The following CSMD1 variants were observed in gnomAD, a reference collection of about 807,000 sequenced individuals.
The protein encoded by CSMD1 is CUB and Sushi multiple domains 1, also known as CUB and sushi domain-containing protein 1.
CSMD1 carries 213 observed loss-of-function variants against 417.5 expected under a neutral mutation model. The ratio of observed to expected loss-of-function variants is 0.51; its 90% CI spans 0.46 to 0.57. The LOEUF is 0.57. Among genes scored for constraint, CSMD1 ranks in the 20% least tolerant of loss-of-function variants. The pLI, the probability that CSMD1 is intolerant of heterozygous loss-of-function variation, is 0.00. For missense variants in CSMD1, 6,923 were observed against 4,529.7 expected, an observed-to-expected ratio of 1.53 and a Z score of -15.17; for synonymous variants, 2,862 against 1,736.8, an observed-to-expected ratio of 1.65 and a Z score of -16.11.
chr8:3,979,030 A>G (rs1332744563), intron 5 of CSMD1, among the ~76,000 whole-genome samples: 1 of 152,230 alleles, frequency 6.6e-6, no homozygotes, highest in Admixed American at 6.5e-5. Context: ...ATGCTGCACA[A>G]CACCTGGACC....
chr8:3,598,998 G>A (rs1049150136), intron 8 of CSMD1, among the ~76,000 whole-genome samples: 7 of 152,036 alleles, frequency 4.6e-5, no homozygotes, highest in Admixed American at 6.6e-5. Context: ...GGAGAATTCC[G>A]TGAATGTGGG....
intron 2 of CSMD1, among the ~76,000 whole-genome samples, chr8:4,459,098 G>C (rs1194668767): frequency 2.0e-5 from 3 of 152,144 alleles, no homozygotes; most frequent in Admixed American, 6.5e-5. Flanking sequence ...TCCAGCCAGG[G>C]TACGCTTCTA....
At chr8:4,962,304 G>A (rs774904663) in intron 1 of CSMD1, among the ~76,000 whole-genome samples, 31 of 151,820 alleles carry the variant, frequency 2.0e-4, no homozygotes, top group Non-Finnish European at 3.4e-4. Flanking sequence ...TGGAACTCCT[G>A]GTCTCAAAAG....
At chr8:3,223,681 T>C (rs555976280) in intron 28 of CSMD1, 48 bp downstream of exon 28, 2 of 1,591,214 alleles carry the variant, frequency 1.3e-6, no homozygotes, top group East Asian at 2.2e-5. Flanking sequence ...TTTTTAGGTA[T>C]GGAATTAAAA....
chr8:4,647,508 G>A (rs570644516), intron 1 of CSMD1, among the ~76,000 whole-genome samples: 7 of 150,706 alleles, frequency 4.6e-5, no homozygotes, highest in South Asian at 2.1e-4. Flanking sequence ...ACGTAGGTAC[G>A]CGTGTGCCAT....
intron 3 of CSMD1, among the ~76,000 whole-genome samples, chr8:4,398,644 CTTGG>C (rs1804434701): frequency 6.6e-6 from 1 of 152,118 alleles, no homozygotes; most frequent in African/African-American, 2.4e-5. Context: ...ATCTGCCCCT[CTTGG>C]CCTCCCAAAG....
At chr8:4,458,402 G>T (rs773824773) in intron 2 of CSMD1, among the ~76,000 whole-genome samples, 1 of 151,910 alleles carries the variant, frequency 6.6e-6, no homozygotes, top group African/African-American at 2.4e-5. Context: ...AAGTTTATGG[G>T]GATTATTGGC....
chr8:3,081,122 A>T (rs1308547513), intron 49 of CSMD1, among the ~76,000 whole-genome samples: 1 of 152,212 alleles, frequency 6.6e-6, no homozygotes, highest in African/African-American at 2.4e-5. Flanking sequence ...AGTGGCATCC[A>T]CATGGTTTAT....
At chr8:4,876,167 C>A (rs978328102) in intron 1 of CSMD1, among the ~76,000 whole-genome samples, 1 of 152,018 alleles carries the variant, frequency 6.6e-6, no homozygotes, top group East Asian at 1.9e-4. Context: ...GTCTATTTCC[C>A]TGCTGGGTAA....
intron 1 of CSMD1, among the ~76,000 whole-genome samples, chr8:4,730,195 G>C (rs1219561695): frequency 1.3e-5 from 2 of 152,076 alleles, no homozygotes; most frequent in Non-Finnish European, 2.9e-5. Flanking sequence ...GGATGGAAAA[G>C]AGGGAGACAG....
At chr8:3,216,474 T>A (rs939509134) in intron 29 of CSMD1, among the ~76,000 whole-genome samples, 1 of 152,200 alleles carries the variant, frequency 6.6e-6, no homozygotes, top group African/African-American at 2.4e-5. Context: ...TTTTTGATCA[T>A]TTTTTTGTTA....
rs926927470 is a variant in CSMD1, at chr8:4,197,191, C to G, written c.416-165092G>C. On this transcript the variant is annotated intron_variant, in intron 3 of 69. Coordinates refer to ENST00000635120, the MANE Select transcript of CSMD1 (RefSeq NM_033225.6). ...CGGTCAAAAAATGTGTATAAAAGTC[C>G]TAGCATTTTCCAGTAAGAGCATCAT... Among the ~76,000 whole-genome samples the G allele has an allele frequency of 3.9e-5, 6 of 152,262 alleles. No individual in the cohort carries two copies. The East Asian group carries it at 1.2e-3, about 29-fold the overall frequency.
At chr8:4,320,603 G>C (rs1392710610) in intron 3 of CSMD1, among the ~76,000 whole-genome samples, 1 of 151,970 alleles carries the variant, frequency 6.6e-6, no homozygotes. Context: ...GTGAGAACAT[G>C]CGGTGTTTGG....
At chr8:4,036,938 T>C (rs1299147905) in intron 3 of CSMD1, among the ~76,000 whole-genome samples, 1 of 149,744 alleles carries the variant, frequency 6.7e-6, no homozygotes, top group Non-Finnish European at 1.5e-5. Flanking sequence ...CCCTGGATCC[T>C]AGTATGGGTG....
At chr8:4,487,024 TC>T (rs1460918523) in intron 2 of CSMD1, among the ~76,000 whole-genome samples, 1 of 152,130 alleles carries the variant, frequency 6.6e-6, no homozygotes, top group Non-Finnish European at 1.5e-5. Context: ...TAAACAAAGT[TC>T]CACTGAAGAG....
At chr8:3,265,891 C>T (rs1277740911) in intron 26 of CSMD1, among the ~76,000 whole-genome samples, 1 of 151,908 alleles carries the variant, frequency 6.6e-6, no homozygotes, top group Non-Finnish European at 1.5e-5. Flanking sequence ...TCAGCTTCTC[C>T]ATCTCCTTGG....
chr8:4,378,663 T>G (rs1472370530), intron 3 of CSMD1, among the ~76,000 whole-genome samples: 1 of 152,194 alleles, frequency 6.6e-6, no homozygotes, highest in Non-Finnish European at 1.5e-5. Context: ...GCTGGTTTAA[T>G]CATCCCCTTC....
At chr8:3,501,902 T>A (rs1271547057) in intron 10 of CSMD1, among the ~76,000 whole-genome samples, 2 of 152,170 alleles carry the variant, frequency 1.3e-5, no homozygotes, top group African/African-American at 4.8e-5. Context: ...CAAATATATC[T>A]ACCATAGATA....
intron 5 of CSMD1, among the ~76,000 whole-genome samples, chr8:3,919,276 C>T (rs143951176): frequency 4.7e-5 from 7 of 147,744 alleles, no homozygotes; most frequent in East Asian, 2.0e-4. Flanking sequence ...AGGAGTTTTG[C>T]GGGTTTGGGT....
Sources: allele counts gnomAD v4.1 joint callset (sites outside exome capture counted in the v4.1 genomes callset), GRCh38; gene constraint gnomAD v4.1.1; transcripts MANE v1.5; gene names NCBI Gene and HGNC (gene_info 2026-07-23, HGNC 2026-07-21).